The following PARP4 variants were observed in gnomAD, a reference collection of about 807,000 sequenced individuals.
PARP4 encodes the protein poly(ADP-ribose) polymerase family member 4.
Under a neutral mutation model 187.7 loss-of-function variants are expected in PARP4, and 120 were observed. That is an observed-to-expected ratio of 0.64 (90% CI 0.55 to 0.74). The LOEUF (loss-of-function observed/expected upper bound fraction) is 0.74. Ranked by LOEUF, PARP4 falls within the 30% of genes least tolerant of loss-of-function variation. The pLI is 0.00. For synonymous variants in PARP4, 654 were observed against 740.9 expected (o/e 0.88, Z 1.90); for missense variants, 1,836 against 2,070.5 (o/e 0.89, Z 2.20).
intron 30 of PARP4, among the ~76,000 whole-genome samples, chr13:24,440,648 G>T (rs1870877202): frequency 2.0e-5 from 3 of 152,104 alleles, no homozygotes; most frequent in Non-Finnish European, 2.9e-5. Flanking sequence ...AGGGCATTAG[G>T]ACTGGGGCAC....
intron 17 of PARP4, among the ~76,000 whole-genome samples, chr13:24,460,977 T>C (rs559491345): frequency 1.3e-5 from 2 of 152,300 alleles, no homozygotes; most frequent in East Asian, 1.9e-4. Context: ...TATCATGTTA[T>C]TTTTTTACTA....
In PARP4 at chr13:24,447,118, G is replaced by C. The variant is rs1871255057; in HGVS notation, c.3183C>G (p.Leu1061=). ...GCAGGGCCTCGGGCACATCTGGATT[G>C]AGTTGCTGCCATTTGACGGAGACAG... ...CHSVSVKWQQ[L]NPDVPEALQA... The change falls in exon 26 of 34, where the codon CTC becomes CTG. Residue 1061 remains leucine, a synonymous_variant. Transcript: ENST00000381989. The C allele has an allele frequency of 5.6e-6, 9 of 1,613,276 alleles. No individual in the cohort carries two copies. Among genetic ancestry groups the C allele is most frequent in the Non-Finnish European group, 7.6e-6 (9 of 1,179,582 alleles).
rs1873041284 is a variant in PARP4, at chr13:24,477,427, C to A, written c.1789+274G>T. 1.3e-5 allele frequency among the ~76,000 whole-genome samples: 2 copies of A among 151,498 alleles called. 1 individual carries two copies. Among genetic ancestry groups the A allele is most frequent in the South Asian group, 4.2e-4 (2 of 4,774 alleles). On this transcript the variant is annotated intron_variant, in intron 14 of 33. Coordinates refer to ENST00000381989, the MANE Select transcript of PARP4 (RefSeq NM_006437.4). Reference sequence around the variant, plus strand: ...TGCACTTTGATCACACACTGTACTCCAGCCTGGGGGACAGAGTGAGACCCT... The same window carrying A: ...TGCACTTTGATCACACACTGTACTCAAGCCTGGGGGACAGAGTGAGACCCT...
At position 24,493,597 on chromosome 13, in the gene PARP4, T is replaced by C. The variant is rs1363923983; in HGVS notation, c.878A>G (p.Asp293Gly). ...TGTTTCAGCGACACACCAACTTACA[T>C]CGTTGAGGCTAATCCTGTTCACTGG... ...LKPVNRISLN[D>G]VSKAEGILLL... Residue 293 changes from aspartate (D) to glycine (G), a missense_variant and splice_region_variant, in exon 8 of 34, where the codon GAT becomes GGT. Asp to Gly is a moderately conservative substitution (Grantham distance 94). Transcript: ENST00000381989. 4 of 1,598,164 alleles carry C rather than the reference T, an allele frequency of 2.5e-6. No individual in the cohort carries two copies. The highest frequency in any genetic ancestry group is 2.7e-5 in the African/African-American group (2 of 73,786).
At position 24,477,750 on chromosome 13, in the gene PARP4, A is replaced by T. The variant is rs1210945613; in HGVS notation, c.1740T>A (p.Thr580=). The change falls in exon 14 of 34, where the codon ACT becomes ACA. Residue 580 remains threonine (T), a synonymous_variant. Coordinates refer to ENST00000381989, the MANE Select transcript of PARP4 (RefSeq NM_006437.4). ...ACTCAGGTCTGTATTCCTCTAATTCAGTATGATCACTAGGATGAAAGTCCT... is the reference window on the plus strand; with the variant it reads ...ACTCAGGTCTGTATTCCTCTAATTCTGTATGATCACTAGGATGAAAGTCCT... ...QIKDFHPSDH[T]ELEEYRPEFS... is the part of the protein sequence containing the mutation. 3 of 1,592,604 alleles carry T rather than the reference A, an allele frequency of 1.9e-6. No homozygotes were observed. The Admixed American group carries it at 5.3e-5, about 28-fold the overall frequency.
chr13:24,427,082 G>A (rs1418898342), intron 32 of PARP4, among the ~76,000 whole-genome samples: 1 of 152,006 alleles, frequency 6.6e-6, no homozygotes, highest in Non-Finnish European at 1.5e-5. Flanking sequence ...TGTATCCAGA[G>A]TGCCCCTCAC....
At chr13:24,497,816 A>C (rs1379347173) in intron 6 of PARP4, among the ~76,000 whole-genome samples, 2 of 152,136 alleles carry the variant, frequency 1.3e-5, no homozygotes, top group Admixed American at 6.5e-5. Flanking sequence ...ATGAGGACAC[A>C]GATGCCCACA....
At position 24,501,758 on chromosome 13, in the gene PARP4, T is replaced by C. The variant is rs778994838; in HGVS notation, c.209A>G (p.His70Arg). The C allele has an allele frequency of 6.8e-6, 11 of 1,612,548 alleles. 1 individual carries two copies. The highest frequency in any genetic ancestry group is 2.2e-5 in the South Asian group (2 of 91,054). The stretch of plus-strand genomic sequence containing the variant: ...CCATATAAAATCTGGGTTTGCAATA[T>C]GAACGTGGTTCTTTTGGATAGAATT... ...QLNSIQKNHV[H>R]IANPDFIWKS... Residue 70 changes from histidine (H) to arginine (R), a missense_variant, in exon 3 of 34, where the codon CAT (histidine) becomes CGT (arginine). Physicochemically the swap from His to Arg is conservative, Grantham distance 29 (BLOSUM62 0). Transcript: ENST00000381989.
chr13:24,435,576 A>C (rs1870593219), intron 30 of PARP4, 102 bp from the exon 31 acceptor site: 1 of 1,221,546 alleles, frequency 8.2e-7, no homozygotes, highest in African/African-American at 1.5e-5. Flanking sequence ...CCCATCAGGC[A>C]GTTGCTCATC....
intron 24 of PARP4, among the ~76,000 whole-genome samples, chr13:24,450,418 GA>G (rs1177550708): frequency 6.7e-6 from 1 of 150,116 alleles, no homozygotes; most frequent in African/African-American, 2.5e-5. Flanking sequence ...TTATTTTTCA[GA>G]AAAAGAGCTT....
chr13:24,506,516 G>A (rs1200417176), intron 1 of PARP4, among the ~76,000 whole-genome samples: 1 of 152,130 alleles, frequency 6.6e-6, no homozygotes, highest in Non-Finnish European at 1.5e-5. Context: ...GCTTTGACAG[G>A]GTGCTGATTG....
chr13:24,501,228 T>C (rs1869263115), intron 3 of PARP4, among the ~76,000 whole-genome samples: 1 of 152,240 alleles, frequency 6.6e-6, no homozygotes, highest in Non-Finnish European at 1.5e-5. Context: ...AAATCTTGGC[T>C]TATAAAGAAA....
At chr13:24,427,342 C>T (rs1403223004) in intron 32 of PARP4, among the ~76,000 whole-genome samples, 1 of 151,074 alleles carries the variant, frequency 6.6e-6, no homozygotes, top group Non-Finnish European at 1.5e-5. Flanking sequence ...CAATTAACAA[C>T]CCATTTTCAT....
At chr13:24,506,880 T>C (rs982417358) in intron 1 of PARP4, among the ~76,000 whole-genome samples, 1 of 152,178 alleles carries the variant, frequency 6.6e-6, no homozygotes, top group Admixed American at 6.5e-5. Flanking sequence ...TGCGGGACGC[T>C]CGTGCTGCGC....
chr13:24,506,026 A>G (rs9581093), intron 1 of PARP4, among the ~76,000 whole-genome samples: 16,742 of 152,108 alleles, frequency 0.11, 999 homozygotes, highest in African/African-American at 0.12. Flanking sequence ...CAGAGGCCCC[A>G]CCCTACCTAG....
At chr13:24,456,926 C>CA (rs1467533379) in intron 20 of PARP4, among the ~76,000 whole-genome samples, 10 of 151,220 alleles carry the variant, frequency 6.6e-5, no homozygotes, top group African/African-American at 1.5e-4. Flanking sequence ...CAAAACAAAA[C>CA]AAAAAAAACA....
intron 10 of PARP4, among the ~76,000 whole-genome samples, chr13:24,489,083 C>T (rs1868479140): frequency 6.6e-6 from 1 of 152,136 alleles, no homozygotes; most frequent in South Asian, 2.1e-4. Flanking sequence ...CACCTTTTGG[C>T]TGTTGTGAAT....
intron 33 of PARP4, among the ~76,000 whole-genome samples, chr13:24,422,104 G>T (rs975349957): frequency 1.3e-5 from 2 of 152,268 alleles, no homozygotes; most frequent in East Asian, 1.9e-4. Context: ...GTGGTTAAGA[G>T]CTGGGTTTGA....
intron 32 of PARP4, 149 bp from the exon 33 acceptor site, chr13:24,426,747 T>G: frequency 7.3e-6 from 5 of 682,146 alleles, no homozygotes; most frequent in African/African-American, 1.8e-5. Context: ...TACAAAAAAT[T>G]AGCCGGGGGT....
Sources: gnomAD v4.1 joint callset for allele counts (sites outside exome capture counted in the v4.1 genomes callset) on GRCh38, gnomAD v4.1.1 for gene constraint, MANE v1.5 for transcripts, NCBI Gene and HGNC (gene_info 2026-07-23, HGNC 2026-07-21) for gene names.